The following MYT1L variants were observed in gnomAD, a reference collection of about 807,000 sequenced individuals.
MYT1L encodes the protein myelin transcription factor 1 like, also known as myelin transcription factor 1-like protein.
Under a neutral mutation model 126.7 loss-of-function variants are expected in MYT1L, and 12 were observed. That is an observed-to-expected ratio of 0.09 (90% CI 0.06 to 0.15). The LOEUF (loss-of-function observed/expected upper bound fraction) is 0.15. MYT1L is among the 10% of genes least tolerant of loss of function. The probability of loss-of-function intolerance (pLI) is 1.00; values close to 1 mark genes in which losing one functional copy is unlikely to be tolerated. For synonymous variants in MYT1L, 541 were observed against 604.2 expected (o/e 0.90, Z 1.53); for missense variants, 979 against 1,585.2 (o/e 0.62, Z 6.49).
At chr2:1,866,966 A>AGG (rs1222288725) in intron 18 of MYT1L, among the ~76,000 whole-genome samples, 32 of 108,814 alleles carry the variant, frequency 2.9e-4, no homozygotes, top group Non-Finnish European at 5.2e-4. Context: ...AAAGAGAGAG[A>AGG]GAGGGAGGAG....
In MYT1L at chr2:2,077,772, C is replaced by A. The variant is rs116209174; in HGVS notation, c.-303-23649G>T. ...TAAAACATTCCAAGATAAATAAAAA[C>A]AGAGAATTTATTGCTAGAAGACGTG... On this transcript the variant is annotated intron_variant, in intron 3 of 24. Coordinates refer to ENST00000647738, the MANE Select transcript of MYT1L (RefSeq NM_001303052.2). Among the ~76,000 whole-genome samples the A allele has an allele frequency of 4.0e-3, 606 of 152,202 alleles. 2 individuals carry two copies. Among genetic ancestry groups the A allele is most frequent in the African/African-American group, 0.014 (585 of 41,538 alleles).
At chr2:2,193,896 G>T (rs547949023) in intron 2 of MYT1L, among the ~76,000 whole-genome samples, 5 of 152,118 alleles carry the variant, frequency 3.3e-5, no homozygotes, top group African/African-American at 1.2e-4. Context: ...GCTTCATTTT[G>T]TAGTTAGGAT....
chr2:1,940,296 C>A (rs1169300119), intron 9 of MYT1L, among the ~76,000 whole-genome samples: 1 of 145,812 alleles, frequency 6.9e-6, no homozygotes, highest in Admixed American at 6.8e-5. Context: ...TGTGGCTGCA[C>A]CCTGCCAGGA....
chr2:2,180,589 T>C, intron 2 of MYT1L, among the ~76,000 whole-genome samples: 1 of 150,918 alleles, frequency 6.6e-6, no homozygotes, highest in Non-Finnish European at 1.5e-5. Flanking sequence ...TGTGCGCCTA[T>C]GTGTGTACCT....
At chr2:2,086,830 G>A (rs2076399467) in intron 3 of MYT1L, among the ~76,000 whole-genome samples, 1 of 152,168 alleles carries the variant, frequency 6.6e-6, no homozygotes, top group Non-Finnish European at 1.5e-5. Flanking sequence ...TCCTCCTGAA[G>A]TTCTTATTCA....
At chr2:2,110,645 C>T (rs961867130) in intron 3 of MYT1L, among the ~76,000 whole-genome samples, 1 of 148,278 alleles carries the variant, frequency 6.7e-6, no homozygotes, top group Admixed American at 6.7e-5. Flanking sequence ...TCTTTCCTTC[C>T]TCTGCCACCC....
intron 21 of MYT1L, among the ~76,000 whole-genome samples, chr2:1,818,073 C>CG (rs111764666): frequency 0.37 from 55,822 of 151,876 alleles, 11,286 homozygotes; most frequent in East Asian, 0.65. Flanking sequence ...AAACCGAGCT[C>CG]CGGGAGGCCC....
At chr2:1,828,263 A>G (rs2039642018) in intron 21 of MYT1L, 2 of 152,012 alleles carry the variant, frequency 1.3e-5, no homozygotes, top group Non-Finnish European at 2.9e-5. Context: ...ACTAGGTGAC[A>G]CTGGGGGGCC....
chr2:2,088,533 C>A (rs1273264370), intron 3 of MYT1L, among the ~76,000 whole-genome samples: 1 of 152,020 alleles, frequency 6.6e-6, no homozygotes, highest in Admixed American at 6.6e-5. Context: ...CAATCCCAGG[C>A]ACTGGTGGTG....
intron 1 of MYT1L, among the ~76,000 whole-genome samples, chr2:2,297,365 G>T (rs1351060015): frequency 2.0e-5 from 3 of 152,212 alleles, no homozygotes; most frequent in African/African-American, 7.2e-5. Context: ...TGTGTGGGGT[G>T]GATGGGACAC....
In MYT1L at chr2:2,297,836, G is replaced by A. The variant is rs147804611; in HGVS notation, c.-520-13333C>T. Reference sequence around the variant, plus strand: ...AACAGGAGCCCCAAATTTTGGTAAAGCAAAACCACTCTGCTCTCTCCCTCT... The same window carrying A: ...AACAGGAGCCCCAAATTTTGGTAAAACAAAACCACTCTGCTCTCTCCCTCT... On this transcript the variant is annotated intron_variant, in intron 1 of 24. Transcript: ENST00000647738. Among the ~76,000 whole-genome samples the A allele has an allele frequency of 1.8e-3, 271 of 152,282 alleles. 3 individuals carry two copies. Among genetic ancestry groups the A allele is most frequent in the African/African-American group, 6.4e-3 (264 of 41,566 alleles).
intron 18 of MYT1L, among the ~76,000 whole-genome samples, chr2:1,874,483 T>A (rs1573093215): frequency 6.6e-6 from 1 of 152,088 alleles, no homozygotes; most frequent in African/African-American, 2.4e-5. Flanking sequence ...TCCCCTGCTG[T>A]GGGGAGGGCC....
At chr2:2,092,578 C>CT (rs1455703243) in intron 3 of MYT1L, among the ~76,000 whole-genome samples, 3 of 152,134 alleles carry the variant, frequency 2.0e-5, no homozygotes, top group African/African-American at 7.2e-5. Flanking sequence ...AGGGTTGTCA[C>CT]AAACCTGCAA....
intron 19 of MYT1L, among the ~76,000 whole-genome samples, chr2:1,844,986 T>C (rs1381176646): frequency 6.6e-6 from 1 of 151,376 alleles, no homozygotes; most frequent in East Asian, 1.9e-4. Context: ...CCTTTTTTTT[T>C]TTTTTTTTGA....
At chr2:2,147,086 C>G (rs568455092) in intron 3 of MYT1L, among the ~76,000 whole-genome samples, 2 of 152,214 alleles carry the variant, frequency 1.3e-5, no homozygotes, top group East Asian at 3.9e-4. Flanking sequence ...AAAGCTGCAG[C>G]TGAACTCCAG....
At chr2:2,004,039 A>AGGCG (rs2062752919) in intron 4 of MYT1L, among the ~76,000 whole-genome samples, 2 of 123,610 alleles carry the variant, frequency 1.6e-5, no homozygotes, top group Non-Finnish European at 3.5e-5. Context: ...TCCTGCATGC[A>AGGCG]TTCTTTCCTG....
rs1226908301 is a variant in MYT1L, at chr2:2,023,859, T to C, written c.-157-26512A>G. Among the ~76,000 whole-genome samples the C allele has an allele frequency of 2.0e-5, 3 of 152,242 alleles. No homozygotes were observed. The South Asian group carries it at 6.2e-4, about 32-fold the overall frequency. On this transcript the variant is annotated intron_variant, in intron 4 of 24. Transcript: ENST00000647738. ...TGTTTTCTGGGGTGGGCTCTTCCTTTTGAGAGAACTATAATGCAGTGATAA... is the reference window on the plus strand; with the variant it reads ...TGTTTTCTGGGGTGGGCTCTTCCTTCTGAGAGAACTATAATGCAGTGATAA...
chr2:1,861,702 C>G (rs2044650358), intron 18 of MYT1L, among the ~76,000 whole-genome samples: 1 of 151,750 alleles, frequency 6.6e-6, no homozygotes, highest in African/African-American at 2.4e-5. Flanking sequence ...AATCCTGGAT[C>G]TGCCTGCAGC....
intron 9 of MYT1L, among the ~76,000 whole-genome samples, chr2:1,933,133 G>A (rs2055248462): frequency 6.6e-6 from 1 of 151,916 alleles, no homozygotes; most frequent in Non-Finnish European, 1.5e-5. Context: ...ATATGGCTAG[G>A]ACATACATCT....
Sources: gnomAD v4.1 joint callset for allele counts (sites outside exome capture counted in the v4.1 genomes callset) on GRCh38, gnomAD v4.1.1 for gene constraint, MANE v1.5 for transcripts, NCBI Gene and HGNC (gene_info 2026-07-23, HGNC 2026-07-21) for gene names.